NCKAP5: variants seen among roughly 807,000 people sequenced by gnomAD.
NCKAP5 encodes NCK associated protein 5.
In NCKAP5, 92 loss-of-function variants were observed where a neutral mutation model predicts 167.0. The ratio of observed to expected loss-of-function variants is 0.55; its 90% CI spans 0.47 to 0.66. The LOEUF (loss-of-function observed/expected upper bound fraction) is 0.66, where lower values mean the gene tolerates loss of function less well. NCKAP5 is among the 30% of genes least tolerant of loss of function. The pLI, the probability that NCKAP5 is intolerant of heterozygous loss-of-function variation, is 0.00. For synonymous variants in NCKAP5, 891 were observed against 877.4 expected (o/e 1.02, Z -0.27); for missense variants, 2,378 against 2,315.0 (o/e 1.03, Z -0.56).
chr2:132,875,022 CTT>C (rs1691158739), intron 9 of NCKAP5, among the ~76,000 whole-genome samples: 1 of 152,104 alleles, frequency 6.6e-6, no homozygotes, highest in African/African-American at 2.4e-5. Context: ...TGTATCTAAA[CTT>C]GGTGGAGGGA....
chr2:133,637,757 TA>T, the NCKAP5 span, among the ~76,000 whole-genome samples: 2 of 151,624 alleles, frequency 1.3e-5, no homozygotes, highest in African/African-American at 2.4e-5. Flanking sequence ...AACAGGAAAA[TA>T]AAAGAAAATT....
chr2:133,478,051 C>G (rs1680090843), intron 3 of NCKAP5, among the ~76,000 whole-genome samples: 1 of 152,122 alleles, frequency 6.6e-6, no homozygotes, highest in Admixed American at 6.6e-5. Flanking sequence ...TTTATAAACA[C>G]TCTTATTATT....
chr2:132,817,604 C>T (rs1382402173), intron 11 of NCKAP5, among the ~76,000 whole-genome samples: 2 of 152,220 alleles, frequency 1.3e-5, no homozygotes, highest in African/African-American at 2.4e-5. Flanking sequence ...CACAATTCTC[C>T]TGGAAACCAT....
At chr2:133,473,444 A>G (rs1416953542) in intron 3 of NCKAP5, among the ~76,000 whole-genome samples, 2 of 152,192 alleles carry the variant, frequency 1.3e-5, no homozygotes, top group African/African-American at 4.8e-5. Context: ...CTTGCTGGGT[A>G]TTATCCCCCA....
chr2:132,846,568 G>C (rs1260656358), intron 11 of NCKAP5, among the ~76,000 whole-genome samples: 2 of 152,106 alleles, frequency 1.3e-5, no homozygotes, highest in African/African-American at 2.4e-5. Context: ...GCCTCCCAAA[G>C]TGCTGGCATT....
intron 6 of NCKAP5, among the ~76,000 whole-genome samples, chr2:133,083,751 G>A (rs145514160): frequency 2.0e-5 from 3 of 152,174 alleles, no homozygotes; most frequent in Non-Finnish European, 2.9e-5. Flanking sequence ...TTTTTCATCC[G>A]TGTGTTTGTT....
chr2:133,563,133 T>C (rs1316634299), intron 1 of NCKAP5, among the ~76,000 whole-genome samples: 3 of 152,172 alleles, frequency 2.0e-5, no homozygotes, highest in Non-Finnish European at 4.4e-5. Flanking sequence ...ACCAACCAAA[T>C]GGCCAAACAT....
intron 7 of NCKAP5, among the ~76,000 whole-genome samples, chr2:132,979,972 T>TTTTTTCTTTTTC (rs777799671): frequency 6.6e-6 from 1 of 151,364 alleles, no homozygotes. Context: ...CAATGATTTT[T>TTTTTTCTTTTTC]TTTTTCTTTT....
rs141037100 is a variant in NCKAP5 at position 133,311,955 on chromosome 2, A to T, written c.70-8845T>A. Among the ~76,000 whole-genome samples the T allele has an allele frequency of 6.8e-3, 1,039 of 152,338 alleles. 10 individuals carry two copies. Among genetic ancestry groups the T allele is most frequent in the Non-Finnish European group, 0.011 (772 of 68,038 alleles). ...ATTCCAAACTATTGATAATTTCACA[A>T]AATAAGTGCGTTTTTCTAATCTTGC... On this transcript the variant is annotated intron_variant, in intron 3 of 19. Coordinates refer to ENST00000409261, the MANE Select transcript of NCKAP5 (RefSeq NM_207363.3).
At chr2:133,520,593 A>G (rs1022320113) in intron 2 of NCKAP5, among the ~76,000 whole-genome samples, 6 of 152,188 alleles carry the variant, frequency 3.9e-5, no homozygotes, top group South Asian at 2.1e-4. Flanking sequence ...TCTGGCAAAT[A>G]TGATTAAACT....
intron 6 of NCKAP5, among the ~76,000 whole-genome samples, chr2:132,996,976 G>A (rs1371725398): frequency 6.6e-6 from 1 of 152,198 alleles, no homozygotes; most frequent in Non-Finnish European, 1.5e-5. Flanking sequence ...CTTGAAGCAT[G>A]TATTTGAGTG....
At chr2:133,097,145 C>T (rs2081368303) in intron 6 of NCKAP5, among the ~76,000 whole-genome samples, 1 of 152,120 alleles carries the variant, frequency 6.6e-6, no homozygotes, top group Admixed American at 6.5e-5. Flanking sequence ...GCATGTGACA[C>T]CCTTGACCCT....
intron 3 of NCKAP5, among the ~76,000 whole-genome samples, chr2:133,498,273 T>C (rs576328360): frequency 3.0e-4 from 45 of 152,052 alleles, no homozygotes; most frequent in Non-Finnish European, 5.6e-4. Context: ...TGCAAAAGGC[T>C]GGGGAGGGGA....
intron 19 of NCKAP5, among the ~76,000 whole-genome samples, chr2:132,680,996 G>T (rs114598511): frequency 1.2e-3 from 183 of 152,100 alleles, no homozygotes; most frequent in African/African-American, 4.0e-3. Flanking sequence ...ATGAGTTGTG[G>T]TCAATTTCTC....
At chr2:133,177,185 T>TACAC (rs2150016362) in intron 5 of NCKAP5, among the ~76,000 whole-genome samples, 1 of 145,462 alleles carries the variant, frequency 6.9e-6, no homozygotes, top group African/African-American at 2.6e-5. Context: ...TATATATATA[T>TACAC]ATACTCAAGA....
At chr2:133,086,654 T>TA (rs570140634) in intron 6 of NCKAP5, among the ~76,000 whole-genome samples, 7 of 151,550 alleles carry the variant, frequency 4.6e-5, no homozygotes, top group Non-Finnish European at 8.8e-5. Context: ...AAATTATAAA[T>TA]AAAAAAAAAT....
At chr2:132,840,213 C>T (rs1688200923) in intron 11 of NCKAP5, among the ~76,000 whole-genome samples, 1 of 151,006 alleles carries the variant, frequency 6.6e-6, no homozygotes, top group Non-Finnish European at 1.5e-5. Context: ...CCATGATATG[C>T]AATTGCAGTA....
At chr2:133,156,761 C>G (rs532904271) in intron 5 of NCKAP5, among the ~76,000 whole-genome samples, 24 of 152,314 alleles carry the variant, frequency 1.6e-4, no homozygotes, top group African/African-American at 5.5e-4. Context: ...TCCAATCTCC[C>G]TGTTCTCTAA....
At chr2:133,157,658 C>T (rs990016320) in intron 5 of NCKAP5, among the ~76,000 whole-genome samples, 3 of 152,066 alleles carry the variant, frequency 2.0e-5, no homozygotes, top group Non-Finnish European at 4.4e-5. Flanking sequence ...TTAATCAGCA[C>T]TTTAGGTGCC....
Sources: allele counts gnomAD v4.1 joint callset (sites outside exome capture counted in the v4.1 genomes callset), GRCh38; gene constraint gnomAD v4.1.1; transcripts MANE v1.5; gene names NCBI Gene and HGNC (gene_info 2026-07-23, HGNC 2026-07-21).